Variants in ENPP2 observed in about 807,000 individuals in gnomAD.
The protein encoded by ENPP2 is ectonucleotide pyrophosphatase/phosphodiesterase 2.
ENPP2 carries 51 observed loss-of-function variants against 120.2 expected under a neutral mutation model. That is an observed-to-expected ratio of 0.42 (90% confidence interval 0.34 to 0.54). The LOEUF is 0.54. Ranked by LOEUF, ENPP2 falls within the 20% of genes least tolerant of loss-of-function variation. The pLI is 0.04. For synonymous variants in ENPP2, 365 were observed against 366.4 expected, an observed-to-expected ratio of 1.00 and a Z score of 0.04; for missense variants, 920 against 1,066.5, an observed-to-expected ratio of 0.86 and a Z score of 1.91.
chr8:119,657,114 A>G (rs949816948), intron 1 of ENPP2, among the ~76,000 whole-genome samples: 5 of 151,996 alleles, frequency 3.3e-5, no homozygotes, highest in African/African-American at 7.2e-5. Context: ...TAGTAGAGTC[A>G]GGGTTTCACC....
At chr8:119,615,343 G>A (rs1815385841) in intron 8 of ENPP2, among the ~76,000 whole-genome samples, 1 of 152,044 alleles carries the variant, frequency 6.6e-6, no homozygotes, top group Admixed American at 6.6e-5. Flanking sequence ...GTGTGCCCTG[G>A]GTTATGTTCC....
At chr8:119,657,387 A>G (rs888969518) in intron 1 of ENPP2, among the ~76,000 whole-genome samples, 1 of 152,200 alleles carries the variant, frequency 6.6e-6, no homozygotes, top group African/African-American at 2.4e-5. Flanking sequence ...AGTTTGTTCT[A>G]TTGGAAATTC....
chr8:119,577,382 A>G (rs1812415198), intron 19 of ENPP2, among the ~76,000 whole-genome samples: 1 of 152,192 alleles, frequency 6.6e-6, no homozygotes, highest in East Asian at 1.9e-4. Context: ...CAGACACTGA[A>G]TATTTTAAAT....
At chr8:119,575,998 C>T (rs957677822) in intron 19 of ENPP2, among the ~76,000 whole-genome samples, 1 of 152,206 alleles carries the variant, frequency 6.6e-6, no homozygotes, top group African/African-American at 2.4e-5. Context: ...CCTTCTTTCT[C>T]TAGAACAACT....
intron 18 of ENPP2, among the ~76,000 whole-genome samples, chr8:119,581,415 T>G (rs1812727653): frequency 6.6e-6 from 1 of 152,022 alleles, no homozygotes; most frequent in Admixed American, 6.6e-5. Flanking sequence ...AAGAGCAAAC[T>G]TGCCCTGTGG....
At chr8:119,623,572 T>C (rs188632448) in intron 3 of ENPP2, among the ~76,000 whole-genome samples, 343 of 152,308 alleles carry the variant, frequency 2.3e-3, no homozygotes, top group African/African-American at 7.9e-3. Flanking sequence ...ATTTAATTTT[T>C]ATTCTTTTAG....
intron 1 of ENPP2, among the ~76,000 whole-genome samples, chr8:119,649,579 G>A (rs979483472): frequency 1.4e-4 from 21 of 152,156 alleles, no homozygotes; most frequent in African/African-American, 4.3e-4. Context: ...TTTCATGATC[G>A]GAAGACATTA....
intron 12 of ENPP2, among the ~76,000 whole-genome samples, chr8:119,592,734 G>T (rs892031223): frequency 2.0e-5 from 3 of 150,402 alleles, no homozygotes; most frequent in Non-Finnish European, 4.4e-5. Context: ...TCTGACCTGT[G>T]TGTAGCTCTC....
In ENPP2 at chr8:119,557,446, T is replaced by C; in HGVS notation, c.*75A>G. On this transcript the variant is annotated 3_prime_UTR_variant, in exon 25 of 25. Coordinates refer to ENST00000075322, the MANE Select transcript of ENPP2 (RefSeq NM_001040092.3). ...TACTAACATTTTTAATGTCCTGGTT[T>C]CAAATTAATAAATACAAAAACAATA... The C allele has an allele frequency of 1.6e-6, 2 of 1,240,116 alleles. No individual in the cohort carries two copies. Among genetic ancestry groups the C allele is most frequent in the Non-Finnish European group, 2.3e-6 (2 of 881,984 alleles). 76.8% of individuals were successfully genotyped at this position (1,240,116 alleles called of 1,614,324 possible).
At position 119,667,935 on chromosome 8, in the gene ENPP2, G is replaced by A. The variant is rs187247291; in HGVS notation, c.21+5317C>T. On this transcript the variant is annotated intron_variant, in intron 1 of 25. Coordinates refer to the ENPP2 transcript ENST00000427067. ...TCTTGCATTCCTTCTTTAGTCCCTT[G>A]CACAGCTCACTGAAGGTACTGACAC... 2.9e-4 allele frequency among the ~76,000 whole-genome samples: 44 copies of A among 152,104 alleles called. No homozygotes were observed. The East Asian group carries it at 6.2e-3, about 21-fold the overall frequency.
intron 19 of ENPP2, among the ~76,000 whole-genome samples, chr8:119,577,696 T>C (rs561070751): frequency 1.3e-5 from 2 of 152,284 alleles, no homozygotes; most frequent in Admixed American, 1.3e-4. Context: ...TATTCTAGAT[T>C]CCCCCCTAAT....
At chr8:119,572,809 C>G (rs1278155033) in intron 19 of ENPP2, 4 of 153,974 alleles carry the variant, frequency 2.6e-5, no homozygotes, top group African/African-American at 4.8e-5. Context: ...GAGAGACAAA[C>G]ATAGCACAAA....
chr8:119,626,756 G>C, intron 2 of ENPP2, 36 bp from the exon 3 acceptor site: 1 of 1,603,338 alleles, frequency 6.2e-7, no homozygotes, highest in South Asian at 1.1e-5. Context: ...ATGGACTGGA[G>C]AGTGGTCATG....
At chr8:119,625,326 G>A (rs1816194636) in intron 3 of ENPP2, among the ~76,000 whole-genome samples, 2 of 152,118 alleles carry the variant, frequency 1.3e-5, no homozygotes, top group South Asian at 2.1e-4. Context: ...CCAAAGGAAA[G>A]CAACCCCCAA....
chr8:119,631,204 CTTTTTTTTTTTTTT>C (rs60092023), intron 2 of ENPP2, among the ~76,000 whole-genome samples: 2 of 61,780 alleles, frequency 3.2e-5, no homozygotes, highest in Admixed American at 2.0e-4. Context: ...ATGCTGCTAT[CTTTTTTTTTTTTTT>C]TTTTTTTTTT....
In ENPP2 at chr8:119,605,428, A is replaced by ATGTGTGTGTGTGTG. The variant is rs557037737; in HGVS notation, c.833+2493_833+2494insCACACACACACACA. Among the ~76,000 whole-genome samples the ATGTGTGTGTGTGTG allele has an allele frequency of 7.3e-3, 982 of 135,398 alleles. 13 individuals are homozygous for ATGTGTGTGTGTGTG. Among genetic ancestry groups the ATGTGTGTGTGTGTG allele is most frequent in the South Asian group, 0.015 (59 of 3,964 alleles). The allele number at this position is 135,398 out of a possible 152,430, so 88.8% of individuals were successfully genotyped here. A position where few individuals can be genotyped will look rare whatever the true frequency, so the allele number is the denominator to read the frequency against. On this transcript the variant is annotated intron_variant, in intron 9 of 24. Coordinates refer to ENST00000075322, the MANE Select transcript of ENPP2 (RefSeq NM_001040092.3). ...CAACATCCCATGATGAAGATACCAT[A>ATGTGTGTGTGTGTG]TATGTGTGTGTGTGTGTGTGTGTGT...
chr8:119,593,708 C>T (rs1412193008), intron 12 of ENPP2, 44 bp downstream of exon 12: 2 of 1,165,626 alleles, frequency 1.7e-6, no homozygotes, highest in African/African-American at 3.0e-5. Flanking sequence ...TGATCAGAAA[C>T]ATTATCCATC....
chr8:119,656,974 C>G (rs1817780881), intron 1 of ENPP2, among the ~76,000 whole-genome samples: 1 of 152,092 alleles, frequency 6.6e-6, no homozygotes, highest in African/African-American at 2.4e-5. Context: ...GTTGCCCAGG[C>G]TAGAGTGCAA....
In ENPP2 at chr8:119,582,438, C is replaced by A; in HGVS notation, c.1708G>T (p.Asp570Tyr). Residue 570 changes from aspartate to tyrosine, a missense_variant, in exon 18 of 25, where the codon GAT (aspartate) becomes TAT (tyrosine). Asp to Tyr is a radical substitution (Grantham distance 160). Transcript: ENST00000075322. ...TCTACCTTTGGCTCTACCTTATCAT[C>A]ACAAGTGCAGCCCAGGTCAAAATCA... is the stretch of plus-strand genomic sequence containing the variant. Reference protein sequence around the residue: ...QSDFDLGCTCDDKVEPKNKLD... With the variant: ...QSDFDLGCTCYDKVEPKNKLD... 1 of 1,613,608 alleles carries A rather than the reference C, an allele frequency of 6.2e-7. No individual in the cohort carries two copies.
Sources: gnomAD v4.1 joint callset for allele counts (sites outside exome capture counted in the v4.1 genomes callset) on GRCh38, gnomAD v4.1.1 for gene constraint, MANE v1.5 for transcripts, NCBI Gene and HGNC (gene_info 2026-07-23, HGNC 2026-07-21) for gene names.